ASB5: variants seen among roughly 807,000 people sequenced by gnomAD.
ASB5 encodes the protein ankyrin repeat and SOCS box containing 5, also known as ankyrin repeat and SOCS box protein 5.
Under a neutral mutation model 42.1 loss-of-function variants are expected in ASB5, and 45 were observed. The ratio of observed to expected loss-of-function variants is 1.07; its 90% CI spans 0.84 to 1.37. The LOEUF (loss-of-function observed/expected upper bound fraction) is 1.37. Ranked by LOEUF, ASB5 falls within the 40% of genes most tolerant of loss-of-function variation. The pLI is 0.00. For missense variants in ASB5, 402 were observed against 399.8 expected (o/e 1.01, Z -0.05); for synonymous variants, 147 against 150.6 (o/e 0.98, Z 0.18).
rs141904727 is a variant in ASB5 at position 176,228,460 on chromosome 4, C to G, written c.197-3119G>C. 4.3e-4 allele frequency among the ~76,000 whole-genome samples: 66 copies of G among 152,284 alleles called. No individual in the cohort carries two copies. The East Asian group carries it at 0.012, about 28-fold the overall frequency. ...GATAATTGAGGTTTACAATTAAAGA[C>G]ATTACAACTCCCAAAAGAAGACTAA... On this transcript the variant is annotated intron_variant, in intron 1 of 6. Coordinates refer to ENST00000296525, the MANE Select transcript of ASB5 (RefSeq NM_080874.4).
chr4:176,219,556 AATATGTATATATTTGTATG>A (rs1753128599), intron 5 of ASB5, among the ~76,000 whole-genome samples: 2 of 49,100 alleles, frequency 4.1e-5, no homozygotes, highest in Non-Finnish European at 8.5e-5. Context: ...ATGATATATA[AATATGTATATATTTGTATG>A]ATATATATAT....
At position 176,224,191 on chromosome 4, in the gene ASB5, G is replaced by T. The variant is rs80215174; in HGVS notation, c.276+1071C>A. 4.0e-5 allele frequency among the ~76,000 whole-genome samples: 6 copies of T among 148,238 alleles called. No individual in the cohort carries two copies. In the Admixed American group the frequency reaches 4.1e-4, roughly 10 times the overall value. On this transcript the variant is annotated intron_variant, in intron 2 of 6. Transcript: ENST00000296525. ...CTCCTTGAGACTGGGAAACAGTAGC[G>T]CATGACTTCCAGATCTGGATGTGCA...
intron 1 of ASB5, among the ~76,000 whole-genome samples, chr4:176,252,661 G>C (rs935825947): frequency 1.2e-4 from 19 of 152,174 alleles, no homozygotes; most frequent in Admixed American, 2.6e-4. Context: ...GTCTTGCTGG[G>C]GTTGGTACAA....
At chr4:176,245,527 C>T (rs150530062) in intron 1 of ASB5, among the ~76,000 whole-genome samples, 2,578 of 152,260 alleles carry the variant, frequency 0.017, 32 homozygotes, top group African/African-American at 0.042. Flanking sequence ...TACCATTTGA[C>T]GCAGCCATCT....
At chr4:176,251,669 G>C (rs1384072316) in intron 1 of ASB5, among the ~76,000 whole-genome samples, 1 of 147,734 alleles carries the variant, frequency 6.8e-6, no homozygotes, top group African/African-American at 2.5e-5. Flanking sequence ...GAATCAAAAG[G>C]TGAACAAGCA....
chr4:176,274,471 G>A (rs1048292372), intron 2 of ASB5, among the ~76,000 whole-genome samples: 3 of 152,192 alleles, frequency 2.0e-5, no homozygotes, highest in Non-Finnish European at 2.9e-5. Flanking sequence ...GAGACTGAAA[G>A]AAGGTAAGGA....
chr4:176,273,679 T>C (rs143239630), upstream of ASB5, among the ~76,000 whole-genome samples: 51 of 152,322 alleles, frequency 3.3e-4, no homozygotes, highest in East Asian at 7.7e-3. Flanking sequence ...CTCCTAAAAA[T>C]TGAGTTACAT....
At position 176,215,598 on chromosome 4, in the gene ASB5, T is replaced by C; in HGVS notation, c.*2A>G. On this transcript the variant is annotated 3_prime_UTR_variant, in exon 7 of 7. Transcript: ENST00000296525. ...CAAGGTATTTAGAATTACTTTACTG[T>C]TTTATCGATACTGTAAGAAATTCTT... 6.2e-7 allele frequency: 1 copy of C among 1,610,982 alleles called. No homozygotes were observed. Among genetic ancestry groups the C allele is most frequent in the Non-Finnish European group, 8.5e-7 (1 of 1,178,452 alleles).
chr4:176,276,609 A>G (rs1754567771), intron 1 of ASB5, among the ~76,000 whole-genome samples: 1 of 152,200 alleles, frequency 6.6e-6, no homozygotes, highest in Non-Finnish European at 1.5e-5. Flanking sequence ...AGTTTGATAT[A>G]TCCTGGGAAG....
At chr4:176,239,569 T>G (rs767408032) in intron 1 of ASB5, among the ~76,000 whole-genome samples, 4 of 152,230 alleles carry the variant, frequency 2.6e-5, no homozygotes, top group Non-Finnish European at 4.4e-5. Context: ...TTGTGCACTC[T>G]GATCACAGAG....
chr4:176,259,962 C>T (rs941531139), intron 1 of ASB5, among the ~76,000 whole-genome samples: 12 of 152,122 alleles, frequency 7.9e-5, no homozygotes, highest in African/African-American at 2.9e-4. Flanking sequence ...TATGTACATG[C>T]CTGACAGGCC....
chr4:176,275,720 A>G (rs944791042), intron 2 of ASB5: 1 of 152,148 alleles, frequency 6.6e-6, no homozygotes, highest in Non-Finnish European at 1.5e-5. Context: ...TCTATCCTGG[A>G]GGAAGGAAGA....
At chr4:176,260,490 T>G (rs538445260) in intron 1 of ASB5, among the ~76,000 whole-genome samples, 1 of 152,318 alleles carries the variant, frequency 6.6e-6, no homozygotes, top group African/African-American at 2.4e-5. Flanking sequence ...CTTTCAGTAT[T>G]CATTTAACAA....
intron 1 of ASB5, among the ~76,000 whole-genome samples, chr4:176,245,665 A>T (rs1211274165): frequency 6.6e-6 from 1 of 152,228 alleles, no homozygotes; most frequent in Non-Finnish European, 1.5e-5. Context: ...CATCAATGAC[A>T]GACTGGATTA....
At chr4:176,245,578 C>G (rs546752559) in intron 1 of ASB5, among the ~76,000 whole-genome samples, 2 of 152,274 alleles carry the variant, frequency 1.3e-5, no homozygotes, top group African/African-American at 4.8e-5. Context: ...AATCATGCTA[C>G]TATAAAGACA....
At chr4:176,238,165 C>G (rs1753731496) in intron 1 of ASB5, among the ~76,000 whole-genome samples, 1 of 145,790 alleles carries the variant, frequency 6.9e-6, no homozygotes, top group Admixed American at 7.1e-5. Flanking sequence ...AGAGATTGTA[C>G]CACTGCACTC....
At position 176,215,611 on chromosome 4, in the gene ASB5, G is replaced by A; in HGVS notation, c.979C>T (p.Gln327Ter). 1 of 1,612,408 alleles carries A rather than the reference G, an allele frequency of 6.2e-7. No homozygotes were observed. The highest frequency in any genetic ancestry group is 8.5e-7 in the Non-Finnish European group (1 of 1,179,082). The change falls in exon 7 of 7, where the codon CAG (glutamine) becomes TAG (stop). Residue 327 changes from glutamine to a stop codon, truncating the protein, a stop_gained. Coordinates refer to ENST00000296525, the MANE Select transcript of ASB5 (RefSeq NM_080874.4). LOFTEE classifies it high-confidence loss of function. Reference sequence around the variant, plus strand: ...ATTACTTTACTGTTTTATCGATACTGTAAGAAATTCTTCAGTAACGTTGGC... The same window carrying A: ...ATTACTTTACTGTTTTATCGATACTATAAGAAATTCTTCAGTAACGTTGGC... ...QLPTLLKNFL[Q>*]YR is the part of the protein sequence containing the mutation.
At chr4:176,243,977 T>C (rs950281023) in intron 1 of ASB5, among the ~76,000 whole-genome samples, 2 of 152,238 alleles carry the variant, frequency 1.3e-5, no homozygotes, top group Non-Finnish European at 2.9e-5. Context: ...AAATTCAATC[T>C]GAACATTGTA....
chr4:176,241,786 A>G lies in ASB5; in HGVS notation c.197-16445T>C, dbSNP rs149081377. ...GTTCCAAAGGTCATTCATTTATTGTATAAAGGTTGCTGGGAAACTACAGAT... is the reference window on the plus strand; with the variant it reads ...GTTCCAAAGGTCATTCATTTATTGTGTAAAGGTTGCTGGGAAACTACAGAT... On this transcript the variant is annotated intron_variant, in intron 1 of 6. Coordinates refer to ENST00000296525, the MANE Select transcript of ASB5 (RefSeq NM_080874.4). 1,052 of 696,590 alleles carry G rather than the reference A, an allele frequency of 1.5e-3. 17 individuals are homozygous for G. The highest frequency in any genetic ancestry group is 2.2e-4 in the Non-Finnish European group (111 of 515,204). 43.2% of individuals were successfully genotyped at this position (696,590 alleles called of 1,614,324 possible). A position where few individuals can be genotyped will look rare whatever the true frequency, so the allele number is the denominator to read the frequency against.
Sources: gnomAD v4.1 joint callset for allele counts (sites outside exome capture counted in the v4.1 genomes callset) on GRCh38, gnomAD v4.1.1 for gene constraint, MANE v1.5 for transcripts, NCBI Gene and HGNC (gene_info 2026-07-23, HGNC 2026-07-21) for gene names.